BMPR2: variants seen among roughly 807,000 people sequenced by gnomAD.
BMPR2 encodes the protein bone morphogenetic protein receptor type 2.
A neutral mutation model predicts 100.8 loss-of-function variants in BMPR2; 29 were observed. The ratio of observed to expected loss-of-function variants is 0.29; its 90% CI spans 0.21 to 0.39. BMPR2 has a LOEUF of 0.39. BMPR2 is among the 10% of genes least tolerant of loss of function. The pLI is 1.00. For synonymous variants in BMPR2, 382 were observed against 442.3 expected (o/e 0.86, Z 1.71); for missense variants, 1,011 against 1,274.5 (o/e 0.79, Z 3.15).
At chr2:202,538,568 G>T (rs576300751) in intron 9 of BMPR2, among the ~76,000 whole-genome samples, 1 of 152,108 alleles carries the variant, frequency 6.6e-6, no homozygotes, top group Non-Finnish European at 1.5e-5. Context: ...AAGGCTAGTG[G>T]ATCACCTGAG....
chr2:202,536,067 AGAGAGGGAGAGGGAGACCGTGGG>A (rs1491386746), intron 9 of BMPR2, among the ~76,000 whole-genome samples: 3 of 152,116 alleles, frequency 2.0e-5, no homozygotes, highest in Admixed American at 6.5e-5. Context: ...GACCGTGGAA[AGAGAGGGAGAGGGAGACCGTGGG>A]GAGAGGGAGA....
Position 202,530,820 on chromosome 2 carries a change from C to T in BMPR2, c.994C>T (p.Arg332Ter), listed in dbSNP as rs137852751. The change falls in exon 8 of 13, where the codon CGA becomes TGA. Residue 332 changes from arginine (R) to a stop codon, truncating the protein, a stop_gained. Transcript: ENST00000374580. LOFTEE classifies it high-confidence loss of function. ...TCATTATAAACCTGCAATTTCCCAT[C>T]GAGATTTAAACAGCAGAAATGTCCT... Reference protein sequence around the residue: ...GDHYKPAISHRDLNSRNVLVK... With the variant: ...GDHYKPAISH 6.2e-7 allele frequency: 1 copy of T among 1,613,104 alleles called. No individual in the cohort carries two copies. Among genetic ancestry groups the T allele is most frequent in the Admixed American group, 1.7e-5 (1 of 59,972 alleles).
At chr2:202,554,957 T>A (rs1688536717) in intron 11 of BMPR2, among the ~76,000 whole-genome samples, 1 of 152,218 alleles carries the variant, frequency 6.6e-6, no homozygotes, top group Admixed American at 6.5e-5. Context: ...CATGATGTTA[T>A]AAAACTATAG....
chr2:202,446,854 G>A lies in BMPR2; in HGVS notation c.77-17955G>A, dbSNP rs891117154. Among the ~76,000 whole-genome samples, 7 of 148,878 alleles carry A rather than the reference G, an allele frequency of 4.7e-5. 1 individual carries two copies. Among genetic ancestry groups the A allele is most frequent in the African/African-American group, 1.0e-4 (4 of 38,758 alleles). The stretch of plus-strand genomic sequence containing the variant: ...TTTAGTAGAGACAGGGTTTCACCAC[G>A]TTGGCCAGGCTGGTCTCAAACTCCC... On this transcript the variant is annotated intron_variant, in intron 1 of 12. Coordinates refer to ENST00000374580, the MANE Select transcript of BMPR2 (RefSeq NM_001204.7).
rs574355533 is a variant in BMPR2, at chr2:202,434,366, C to T, written c.77-30443C>T. ...GTCATGGCAACAGTTTTTTGGGATG[C>T]TCAAGGTATTTTGCTTGTTGGTTTT... On this transcript the variant is annotated intron_variant, in intron 1 of 12. Coordinates refer to ENST00000374580, the MANE Select transcript of BMPR2 (RefSeq NM_001204.7). 1.1e-3 allele frequency among the ~76,000 whole-genome samples: 161 copies of T among 150,544 alleles called. 2 individuals carry two copies. The highest frequency in any genetic ancestry group is 4.7e-3 in the Admixed American group (72 of 15,234).
At chr2:202,428,582 T>C (rs1691440394) in intron 1 of BMPR2, among the ~76,000 whole-genome samples, 1 of 152,094 alleles carries the variant, frequency 6.6e-6, no homozygotes, top group Admixed American at 6.6e-5. Context: ...AAAAAGTTTT[T>C]TTTTTGGTAG....
intron 3 of BMPR2, among the ~76,000 whole-genome samples, chr2:202,477,658 G>A (rs879404334): frequency 6.6e-6 from 1 of 152,054 alleles, no homozygotes; most frequent in Non-Finnish European, 1.5e-5. Context: ...ATGGTGGCAG[G>A]TGACTGTAGT....
intron 1 of BMPR2, among the ~76,000 whole-genome samples, chr2:202,386,700 A>G (rs1318842391): frequency 6.7e-6 from 1 of 149,208 alleles, no homozygotes; most frequent in Non-Finnish European, 1.5e-5. Context: ...TTTTTTTGCC[A>G]GACAGAGTCT....
chr2:202,391,598 C>T (rs561962189), intron 1 of BMPR2, among the ~76,000 whole-genome samples: 8 of 149,144 alleles, frequency 5.4e-5, no homozygotes, highest in Non-Finnish European at 1.2e-4. Context: ...GACCAGTGTA[C>T]ACTCTTTTTT....
chr2:202,527,723 C>G (rs1357866847), intron 7 of BMPR2, among the ~76,000 whole-genome samples: 1 of 151,082 alleles, frequency 6.6e-6, no homozygotes, highest in Non-Finnish European at 1.5e-5. Flanking sequence ...GGAAGCGGAG[C>G]TTGCAGTGAG....
intron 1 of BMPR2, among the ~76,000 whole-genome samples, chr2:202,404,546 G>A (rs774864538): frequency 6.6e-6 from 1 of 152,104 alleles, no homozygotes; most frequent in Non-Finnish European, 1.5e-5. Flanking sequence ...GTGTGCAGTA[G>A]CAATGATCAT....
chr2:202,497,237 C>T (rs1309167656), intron 3 of BMPR2, among the ~76,000 whole-genome samples: 2 of 152,222 alleles, frequency 1.3e-5, no homozygotes, highest in Admixed American at 6.5e-5. Flanking sequence ...CCGATGAGTG[C>T]CGCCCCCTGC....
intron 3 of BMPR2, among the ~76,000 whole-genome samples, chr2:202,508,771 C>G (rs1420366731): frequency 6.6e-6 from 1 of 152,154 alleles, no homozygotes; most frequent in African/African-American, 2.4e-5. Flanking sequence ...AAGATTAAAA[C>G]TAGAACAAGC....
At chr2:202,556,606 T>C in intron 12 of BMPR2, 75 bp downstream of exon 12, 1 of 1,491,402 alleles carries the variant, frequency 6.7e-7, no homozygotes, top group Admixed American at 1.8e-5. Flanking sequence ...AATCAACTAA[T>C]AGATATATTT....
intron 1 of BMPR2, among the ~76,000 whole-genome samples, chr2:202,435,390 T>C (rs919784420): frequency 5.7e-5 from 8 of 139,642 alleles, no homozygotes; most frequent in African/African-American, 2.0e-4. Flanking sequence ...TATATATATA[T>C]ATATATATAT....
intron 1 of BMPR2, among the ~76,000 whole-genome samples, chr2:202,392,534 G>C (rs569861814): frequency 6.6e-6 from 1 of 152,284 alleles, no homozygotes; most frequent in South Asian, 2.1e-4. Flanking sequence ...ACATGTCACA[G>C]TATATTTTAT....
chr2:202,388,414 AAAAAAAC>A (rs1690477405), intron 1 of BMPR2, among the ~76,000 whole-genome samples: 2 of 150,556 alleles, frequency 1.3e-5, no homozygotes, highest in South Asian at 2.1e-4. Context: ...AAAAAAAAAA[AAAAAAAC>A]ATTGTTTGTC....
chr2:202,429,467 T>G (rs1362320997), intron 1 of BMPR2, among the ~76,000 whole-genome samples: 1 of 152,202 alleles, frequency 6.6e-6, no homozygotes, highest in African/African-American at 2.4e-5. Context: ...GCTTGGAATT[T>G]CCTTCTCTCC....
intron 1 of BMPR2, among the ~76,000 whole-genome samples, chr2:202,421,246 A>C (rs1323384877): frequency 6.9e-6 from 1 of 145,744 alleles, no homozygotes; most frequent in African/African-American, 2.5e-5. Flanking sequence ...GTGAGACTTC[A>C]TCTCAAAAAA....
Sources: gnomAD v4.1 joint callset for allele counts (sites outside exome capture counted in the v4.1 genomes callset) on GRCh38, gnomAD v4.1.1 for gene constraint, MANE v1.5 for transcripts, NCBI Gene and HGNC (gene_info 2026-07-23, HGNC 2026-07-21) for gene names.